TOM1L2: variants seen among roughly 807,000 people sequenced by gnomAD.
The protein encoded by TOM1L2 is TOM1-like protein 2.
Under a neutral mutation model 67.9 loss-of-function variants are expected in TOM1L2, and 31 were observed. The ratio of observed to expected loss-of-function variants is 0.46; its 90% CI spans 0.34 to 0.62. The LOEUF (loss-of-function observed/expected upper bound fraction) is 0.62. TOM1L2 is among the 20% of genes least tolerant of loss of function. The pLI is 0.01. For synonymous variants in TOM1L2, 256 were observed against 254.0 expected (o/e 1.01, Z -0.07); for missense variants, 606 against 663.5 (o/e 0.91, Z 0.95).
intron 7 of TOM1L2, 151 bp downstream of exon 7, chr17:17,879,476 C>T (rs565785104): frequency 1.7e-5 from 10 of 602,500 alleles, no homozygotes; most frequent in Middle Eastern, 2.8e-4. Context: ...CCGTAGGCAA[C>T]GTGAGGCTGC....
At chr17:17,864,932 C>A (rs779828956) in intron 10 of TOM1L2, among the ~76,000 whole-genome samples, 5 of 152,062 alleles carry the variant, frequency 3.3e-5, no homozygotes, top group Non-Finnish European at 5.9e-5. Context: ...CAACTGATAG[C>A]CACTAGAAGT....
At chr17:17,952,202 A>G (rs141970880) in intron 1 of TOM1L2, among the ~76,000 whole-genome samples, 2 of 152,228 alleles carry the variant, frequency 1.3e-5, no homozygotes, top group East Asian at 1.9e-4. Flanking sequence ...ATGTACAATG[A>G]CATGGCAAAA....
At chr17:17,871,203 T>C (rs2037135176) in intron 7 of TOM1L2, among the ~76,000 whole-genome samples, 1 of 151,336 alleles carries the variant, frequency 6.6e-6, no homozygotes, top group Admixed American at 6.6e-5. Flanking sequence ...ACCCCGTCTC[T>C]ACTAAAAACA....
intron 12 of TOM1L2, among the ~76,000 whole-genome samples, chr17:17,853,566 A>C (rs2036108539): frequency 6.6e-6 from 1 of 152,212 alleles, no homozygotes; most frequent in African/African-American, 2.4e-5. Flanking sequence ...AACTTCCCAA[A>C]AGCTGGCTCA....
rs1269680940 is a variant in TOM1L2 at position 17,869,022 on chromosome 17, C to T, written c.911+318G>A. On this transcript the variant is annotated intron_variant, in intron 8 of 14. Coordinates refer to ENST00000379504, the MANE Select transcript of TOM1L2 (RefSeq NM_001082968.2). ...AGGAGCAGGTGCAGAAGCTCTGGGGCCCAGAGGCCCCCAAGTGCTACCCCT... is the reference window on the plus strand; with the variant it reads ...AGGAGCAGGTGCAGAAGCTCTGGGGTCCAGAGGCCCCCAAGTGCTACCCCT... 6.3e-5 allele frequency: 18 copies of T among 285,018 alleles called. No homozygotes were observed. In the East Asian group the frequency reaches 9.2e-4, roughly 15 times the overall value. 17.7% of individuals were successfully genotyped at this position (285,018 alleles called of 1,614,324 possible). A position where few individuals can be genotyped will look rare whatever the true frequency, so the allele number is the denominator to read the frequency against.
At chr17:17,851,838 T>A (rs1326655334) in intron 12 of TOM1L2, among the ~76,000 whole-genome samples, 3 of 152,192 alleles carry the variant, frequency 2.0e-5, no homozygotes, top group East Asian at 3.9e-4. Context: ...CATACTAAGG[T>A]GTACCACGGG....
intron 1 of TOM1L2, among the ~76,000 whole-genome samples, chr17:17,952,371 ATTTTCTTT>A (rs2041239406): frequency 9.6e-5 from 3 of 31,126 alleles, no homozygotes; most frequent in Non-Finnish European, 1.7e-4. Flanking sequence ...GTGCTTCTTT[ATTTTCTTT>A]TTTTTTTTTT....
At chr17:17,930,675 G>C (rs2040294317) in intron 1 of TOM1L2, among the ~76,000 whole-genome samples, 1 of 152,114 alleles carries the variant, frequency 6.6e-6, no homozygotes, top group Admixed American at 6.6e-5. Context: ...CTTCCAAAAG[G>C]AATTTAGGGT....
At chr17:17,903,575 T>C (rs1347507629) in intron 2 of TOM1L2, among the ~76,000 whole-genome samples, 1 of 145,656 alleles carries the variant, frequency 6.9e-6, no homozygotes, top group Non-Finnish European at 1.5e-5. Flanking sequence ...ATCGCGCCAC[T>C]GCACTCCAGC....
At chr17:17,929,335 G>T (rs1340558006) in intron 1 of TOM1L2, among the ~76,000 whole-genome samples, 1 of 152,176 alleles carries the variant, frequency 6.6e-6, no homozygotes, top group Non-Finnish European at 1.5e-5. Context: ...GGGGTTGATA[G>T]GGATATTCAA....
intron 6 of TOM1L2, among the ~76,000 whole-genome samples, chr17:17,880,927 C>T (rs1332879520): frequency 6.6e-6 from 1 of 152,202 alleles, no homozygotes; most frequent in African/African-American, 2.4e-5. Flanking sequence ...TTCTGACTCT[C>T]CCCACCCCAT....
rs143190643 is a variant in TOM1L2, at chr17:17,942,422, T to A, written c.52+29840A>T. 8.5e-5 allele frequency among the ~76,000 whole-genome samples: 13 copies of A among 152,316 alleles called. No individual in the cohort carries two copies. The East Asian group carries it at 2.5e-3, about 29-fold the overall frequency. On this transcript the variant is annotated intron_variant, in intron 1 of 14. Transcript: ENST00000379504. Reference sequence around the variant, plus strand: ...GGCTTTAACCCTCAATCATATCATATGTAAAATGGGGATTAAAAACTATAT... The same window carrying A: ...GGCTTTAACCCTCAATCATATCATAAGTAAAATGGGGATTAAAAACTATAT...
chr17:17,914,512 G>A (rs1371082723), intron 1 of TOM1L2, among the ~76,000 whole-genome samples: 11 of 152,164 alleles, frequency 7.2e-5, no homozygotes, highest in Admixed American at 6.5e-4. Flanking sequence ...GCAGAGAGGG[G>A]GTATGGCATC....
intron 13 of TOM1L2, among the ~76,000 whole-genome samples, chr17:17,849,786 G>C (rs1352749060): frequency 6.6e-6 from 1 of 152,228 alleles, no homozygotes; most frequent in African/African-American, 2.4e-5. Flanking sequence ...GTCCCCCTTA[G>C]AAGTTAAGGA....
chr17:17,913,157 G>A (rs1000892651), intron 1 of TOM1L2, among the ~76,000 whole-genome samples: 15 of 151,582 alleles, frequency 9.9e-5, no homozygotes, highest in African/African-American at 2.9e-4. Flanking sequence ...GCTTCGGCTC[G>A]GCATGAGAGG....
At chr17:17,942,735 A>G (rs540494858) in intron 1 of TOM1L2, among the ~76,000 whole-genome samples, 24 of 152,330 alleles carry the variant, frequency 1.6e-4, no homozygotes, top group African/African-American at 5.8e-4. Context: ...TCTTATTGTC[A>G]TTACAATGGT....
At chr17:17,919,530 G>A (rs1483044977) in intron 1 of TOM1L2, among the ~76,000 whole-genome samples, 2 of 152,194 alleles carry the variant, frequency 1.3e-5, no homozygotes, top group African/African-American at 2.4e-5. Context: ...AAAGGAGCAG[G>A]CACACCACAA....
chr17:17,876,491 G>C (rs1189850804), intron 7 of TOM1L2, among the ~76,000 whole-genome samples: 1 of 152,170 alleles, frequency 6.6e-6, no homozygotes, highest in Non-Finnish European at 1.5e-5. Context: ...TGTGAAAGAG[G>C]AATTAGTCTT....
intron 4 of TOM1L2, among the ~76,000 whole-genome samples, chr17:17,892,108 T>C (rs2038317724): frequency 6.6e-6 from 1 of 152,108 alleles, no homozygotes; most frequent in African/African-American, 2.4e-5. Context: ...AGAGAGTGTG[T>C]GTGCTTAAAA....
Sources: allele counts gnomAD v4.1 joint callset (sites outside exome capture counted in the v4.1 genomes callset), GRCh38; gene constraint gnomAD v4.1.1; transcripts MANE v1.5; gene names NCBI Gene and HGNC (gene_info 2026-07-23, HGNC 2026-07-21).